The following DNAH6 variants were observed in gnomAD, a reference collection of about 807,000 sequenced individuals.
DNAH6 encodes the protein axonemal beta dynein heavy chain 6.
A neutral mutation model predicts 491.4 loss-of-function variants in DNAH6; 340 were observed. The observed-to-expected ratio is 0.69, with a 90% confidence interval of 0.63 to 0.76. The LOEUF (loss-of-function observed/expected upper bound fraction) is 0.76, where lower values mean the gene tolerates loss of function less well. DNAH6 is among the 30% of genes least tolerant of loss of function. The pLI, the probability that DNAH6 is intolerant of heterozygous loss-of-function variation, is 0.00. For synonymous variants in DNAH6, 1,603 were observed against 1,686.1 expected (o/e 0.95, Z 1.21); for missense variants, 4,443 against 4,972.2 (o/e 0.89, Z 3.20).
chr2:84,676,010 T>C (rs1428734631), intron 40 of DNAH6, among the ~76,000 whole-genome samples: 1 of 152,228 alleles, frequency 6.6e-6, no homozygotes, highest in African/African-American at 2.4e-5. Flanking sequence ...ATAGGTGGCA[T>C]GTTCTCTCCA....
the DNAH6 span, among the ~76,000 whole-genome samples, chr2:84,503,721 C>A: frequency 1.3e-5 from 2 of 151,300 alleles, no homozygotes; most frequent in Non-Finnish European, 2.9e-5. Context: ...AAATGTCATG[C>A]CACTCTCTCC....
At chr2:84,589,235 A>T (rs1366234433) in intron 16 of DNAH6, among the ~76,000 whole-genome samples, 1 of 152,240 alleles carries the variant, frequency 6.6e-6, no homozygotes, top group Non-Finnish European at 1.5e-5. Context: ...GTTAAAATGT[A>T]AGTGGATTTT....
intron 42 of DNAH6, among the ~76,000 whole-genome samples, chr2:84,684,741 A>G (rs552581429): frequency 6.6e-6 from 1 of 152,324 alleles, no homozygotes; most frequent in Admixed American, 6.5e-5. Context: ...CCTGTGGAGA[A>G]GTACCATTTC....
chr2:84,752,633 C>CT (rs139118047), intron 63 of DNAH6, among the ~76,000 whole-genome samples: 3,908 of 152,164 alleles, frequency 0.026, 136 homozygotes, highest in African/African-American at 0.085. Flanking sequence ...ATCACCAACA[C>CT]TAGTCTACTT....
intron 14 of DNAH6, among the ~76,000 whole-genome samples, chr2:84,583,591 A>C: frequency 6.6e-6 from 1 of 152,184 alleles, no homozygotes; most frequent in East Asian, 1.9e-4. Context: ...TCTCACCTTG[A>C]ATTGAATTCC....
chr2:84,765,079 T>A (rs1037835567), intron 64 of DNAH6, among the ~76,000 whole-genome samples: 1 of 152,080 alleles, frequency 6.6e-6, no homozygotes, highest in Non-Finnish European at 1.5e-5. Context: ...AAATTACATT[T>A]CAGAAGAACT....
At chr2:84,579,386 T>C (rs766817933) in intron 13 of DNAH6, 141 bp from the exon 14 acceptor site, 3 of 887,290 alleles carry the variant, frequency 3.4e-6, no homozygotes, top group Non-Finnish European at 5.1e-6. Flanking sequence ...AGCAGTGATT[T>C]AAAGAGAAAA....
chr2:84,655,947 A>G (rs1413371823), intron 35 of DNAH6, among the ~76,000 whole-genome samples: 1 of 152,120 alleles, frequency 6.6e-6, no homozygotes, highest in Non-Finnish European at 1.5e-5. Context: ...TCTAAGCTCT[A>G]CATATTCATC....
chr2:84,521,259 A>G (rs1676113756), intron 2 of DNAH6, among the ~76,000 whole-genome samples: 1 of 151,606 alleles, frequency 6.6e-6, no homozygotes, highest in African/African-American at 2.4e-5. Flanking sequence ...CTTGTTCGCT[A>G]TGTCTATGTC....
intron 64 of DNAH6, among the ~76,000 whole-genome samples, chr2:84,774,806 G>C (rs911281404): frequency 3.3e-5 from 5 of 152,058 alleles, no homozygotes; most frequent in Non-Finnish European, 5.9e-5. Flanking sequence ...GCTATTGTAA[G>C]TGCCATTCCT....
At chr2:84,655,170 C>T (rs1558861579) in intron 35 of DNAH6, among the ~76,000 whole-genome samples, 1 of 152,020 alleles carries the variant, frequency 6.6e-6, no homozygotes, top group South Asian at 2.1e-4. Context: ...ATATTTAAGT[C>T]CAGACCCTAA....
In DNAH6 at chr2:84,710,388, T is replaced by A; in HGVS notation, c.9354T>A (p.Leu3118=). ...GAATACTCGAGAATTCAATCCGACT[T>A]GGTTTACCTGTCTTACTGGAAGAGG... is the stretch of plus-strand genomic sequence containing the variant. ...FLRILENSIR[L]GLPVLLEELK... is the part of the protein sequence containing the mutation. The change falls in exon 56 of 77, where the codon CTT becomes CTA. Residue 3118 remains leucine (L), a synonymous_variant. Coordinates refer to ENST00000389394, the MANE Select transcript of DNAH6 (RefSeq NM_001370.2). 1 of 1,551,810 alleles carries A rather than the reference T, an allele frequency of 6.4e-7. No homozygotes were observed. The highest frequency in any genetic ancestry group is 8.7e-7 in the Non-Finnish European group (1 of 1,146,978).
At chr2:84,646,748 A>G (rs1005549297) in intron 33 of DNAH6, among the ~76,000 whole-genome samples, 7 of 152,236 alleles carry the variant, frequency 4.6e-5, no homozygotes, top group African/African-American at 1.7e-4. Flanking sequence ...CTGCAGAAGA[A>G]AAGTTCAAAG....
At chr2:84,774,284 C>A (rs1219628598) in intron 64 of DNAH6, among the ~76,000 whole-genome samples, 1 of 152,102 alleles carries the variant, frequency 6.6e-6, no homozygotes, top group Non-Finnish European at 1.5e-5. Flanking sequence ...CTGCATATAG[C>A]TAGTCAGCTA....
At chr2:84,501,064 T>C in the DNAH6 span, among the ~76,000 whole-genome samples, 1 of 152,202 alleles carries the variant, frequency 6.6e-6, no homozygotes, top group South Asian at 2.1e-4. Context: ...AGTACTATGC[T>C]GAATAACAGT....
rs1042984948 is a variant in DNAH6, at chr2:84,626,673, G to A, written c.4515+1610G>A. On this transcript the variant is annotated intron_variant, in intron 29 of 76. Transcript: ENST00000389394. ...CCCAGGATGCAGTGGCTCAATCTCG[G>A]CTCACTGCAACCTCTGCCTCCCGGG... Among the ~76,000 whole-genome samples the A allele has an allele frequency of 5.3e-5, 8 of 152,086 alleles. No homozygotes were observed. The South Asian group carries it at 1.7e-3, about 32-fold the overall frequency.
chr2:84,719,346 T>C (rs181260865), intron 59 of DNAH6, among the ~76,000 whole-genome samples: 2 of 152,290 alleles, frequency 1.3e-5, no homozygotes, highest in East Asian at 3.9e-4. Context: ...AACCCACTTA[T>C]TTTTATTTTT....
At chr2:84,501,174 G>T in the DNAH6 span, among the ~76,000 whole-genome samples, 1 of 152,112 alleles carries the variant, frequency 6.6e-6, no homozygotes, top group Non-Finnish European at 1.5e-5. Flanking sequence ...GTCATTTATG[G>T]TTTTTATTAT....
chr2:84,644,200 T>A (rs1339420163), intron 33 of DNAH6, among the ~76,000 whole-genome samples: 2 of 152,124 alleles, frequency 1.3e-5, no homozygotes, highest in Non-Finnish European at 1.5e-5. Context: ...GTTGGGTAAT[T>A]CCCTTCTCCC....
Sources: allele counts gnomAD v4.1 joint callset (sites outside exome capture counted in the v4.1 genomes callset), GRCh38; gene constraint gnomAD v4.1.1; transcripts MANE v1.5; gene names NCBI Gene and HGNC (gene_info 2026-07-23, HGNC 2026-07-21).